ELF1: variants seen among roughly 807,000 people sequenced by gnomAD.
The protein encoded by ELF1 is ETS-related transcription factor Elf-1.
Under a neutral mutation model 59.9 loss-of-function variants are expected in ELF1, and 24 were observed. That is an observed-to-expected ratio of 0.40 (90% CI 0.29 to 0.56). The LOEUF (loss-of-function observed/expected upper bound fraction) is 0.56. Among genes scored for constraint, ELF1 ranks in the 20% least tolerant of loss-of-function variants. ELF1 has a pLI of 0.44. For missense variants in ELF1, 627 were observed against 742.2 expected, an observed-to-expected ratio of 0.84 and a Z score of 1.80; for synonymous variants, 248 against 266.2, an observed-to-expected ratio of 0.93 and a Z score of 0.67.
At chr13:40,985,856 T>C (rs1282530257) in intron 1 of ELF1, among the ~76,000 whole-genome samples, 1 of 152,224 alleles carries the variant, frequency 6.6e-6, no homozygotes, top group African/African-American at 2.4e-5. Context: ...GGAAGCACTC[T>C]GCTGTATTAA....
chr13:40,941,388 T>C lies in ELF1; in HGVS notation c.807-18A>G. 6.5e-7 allele frequency: 1 copy of C among 1,535,348 alleles called. No individual in the cohort carries two copies. Among genetic ancestry groups the C allele is most frequent in the Non-Finnish European group, 8.8e-7 (1 of 1,142,426 alleles). Reference sequence around the variant, plus strand: ...AATAGTACCTATTCAAAGCAGACAATTTCATCAATCAATCAAACATCAATT... The same window carrying C: ...AATAGTACCTATTCAAAGCAGACAACTTCATCAATCAATCAAACATCAATT... On this transcript the variant is annotated intron_variant, in intron 7 of 8. Coordinates refer to ENST00000239882, the MANE Select transcript of ELF1 (RefSeq NM_172373.4).
intron 1 of ELF1, among the ~76,000 whole-genome samples, chr13:41,027,391 C>G: frequency 6.6e-6 from 1 of 152,200 alleles, no homozygotes; most frequent in African/African-American, 2.4e-5. Flanking sequence ...CCTGTCATTG[C>G]CCAGGGGGCT....
At chr13:40,942,539 G>T (rs1593350586) in intron 7 of ELF1, among the ~76,000 whole-genome samples, 2 of 150,530 alleles carry the variant, frequency 1.3e-5, no homozygotes, top group South Asian at 2.1e-4. Context: ...CTTTTTTTTT[G>T]AGACAGGGTC....
At chr13:41,035,202 C>T (rs1876325907) in intron 1 of ELF1, among the ~76,000 whole-genome samples, 1 of 152,192 alleles carries the variant, frequency 6.6e-6, no homozygotes, top group Non-Finnish European at 1.5e-5. Context: ...GAATAGATTT[C>T]CTTCAGAACT....
At chr13:41,048,533 A>G (rs1876955123) in intron 1 of ELF1, among the ~76,000 whole-genome samples, 1 of 151,950 alleles carries the variant, frequency 6.6e-6, no homozygotes, top group South Asian at 2.1e-4. Flanking sequence ...ATCTCACCTC[A>G]GCCTCCCGAG....
At chr13:41,033,886 G>A (rs1462789934) in intron 1 of ELF1, among the ~76,000 whole-genome samples, 1 of 152,170 alleles carries the variant, frequency 6.6e-6, no homozygotes, top group Admixed American at 6.5e-5. Context: ...ATCAGTGGTT[G>A]CCAGGGATAC....
At chr13:40,938,752 T>C (rs1869947712) in intron 8 of ELF1, among the ~76,000 whole-genome samples, 1 of 151,920 alleles carries the variant, frequency 6.6e-6, no homozygotes, top group Non-Finnish European at 1.5e-5. Flanking sequence ...ATACATTCCA[T>C]CTTCTCTCAA....
chr13:41,027,745 C>T (rs564686069), intron 1 of ELF1, among the ~76,000 whole-genome samples: 41 of 152,278 alleles, frequency 2.7e-4, no homozygotes, highest in Middle Eastern at 6.8e-3. Context: ...TTGCTTCTGA[C>T]CATGGAACTT....
At chr13:41,013,436 A>G (rs1234291375) in intron 1 of ELF1, among the ~76,000 whole-genome samples, 2 of 152,228 alleles carry the variant, frequency 1.3e-5, no homozygotes, top group Admixed American at 1.3e-4. Flanking sequence ...TAAGTCACAA[A>G]GCTGAATGAA....
At chr13:40,962,554 C>A (rs768779286) in intron 2 of ELF1, among the ~76,000 whole-genome samples, 9 of 151,702 alleles carry the variant, frequency 5.9e-5, no homozygotes, top group Non-Finnish European at 8.8e-5. Flanking sequence ...GTCATGGTGA[C>A]GGGCACCTGC....
At chr13:40,988,668 C>T (rs1369613610) in intron 1 of ELF1, among the ~76,000 whole-genome samples, 2 of 152,178 alleles carry the variant, frequency 1.3e-5, no homozygotes, top group South Asian at 2.1e-4. Flanking sequence ...TATATCATAT[C>T]ATCTTGCCTT....
intron 3 of ELF1, among the ~76,000 whole-genome samples, chr13:40,953,223 G>A (rs1017797287): frequency 5.9e-5 from 9 of 152,034 alleles, no homozygotes; most frequent in East Asian, 1.9e-4. Context: ...TGATCTGCCC[G>A]CCTCGGCCTC....
At position 40,939,246 on chromosome 13, in the gene ELF1, T is replaced by G. The variant is rs115229487; in HGVS notation, c.1256+1675A>C. On this transcript the variant is annotated intron_variant, in intron 8 of 8. Coordinates refer to ENST00000239882, the MANE Select transcript of ELF1 (RefSeq NM_172373.4). ...GAGAGGACTGCTTGAGTCCTGGAAG[T>G]AGGATGCAGTGAGCTATGATGGTGT... 9.5e-3 allele frequency among the ~76,000 whole-genome samples: 1,447 copies of G among 152,204 alleles called. 30 individuals are homozygous for G. The highest frequency in any genetic ancestry group is 0.032 in the African/African-American group (1,316 of 41,530).
intron 1 of ELF1, among the ~76,000 whole-genome samples, chr13:41,057,046 T>C (rs116412514): frequency 0.013 from 2,043 of 152,310 alleles, 44 homozygotes; most frequent in African/African-American, 0.046. Context: ...GAGACCATGA[T>C]AAGGTCTTCG....
At chr13:40,992,466 T>C (rs151017205) in intron 1 of ELF1, among the ~76,000 whole-genome samples, 120 of 152,350 alleles carry the variant, frequency 7.9e-4, no homozygotes, top group Non-Finnish European at 1.4e-3. Flanking sequence ...TGTTATGCAG[T>C]GATAGCAGTT....
chr13:41,059,197 G>T (rs1043175628), intron 1 of ELF1, among the ~76,000 whole-genome samples: 3 of 152,186 alleles, frequency 2.0e-5, no homozygotes, highest in African/African-American at 7.2e-5. Context: ...TAAAATTTGT[G>T]AGTGATACGT....
intron 1 of ELF1, among the ~76,000 whole-genome samples, chr13:41,035,844 A>AAACAACAAC (rs1165440085): frequency 1.3e-5 from 2 of 148,648 alleles, no homozygotes; most frequent in African/African-American, 2.5e-5. Context: ...GTTAAAAAAA[A>AAACAACAAC]AACAACAACA....
Position 40,933,652 on chromosome 13 carries a change from C to A in ELF1, c.1633G>T (p.Val545Phe). ...VTFSPRSSQL[V>F]AHPPGTVITS... ...ATTACAGTGCCAGGTGGGTGAGCAACCAGCTGTGAACTGCGAGGAGAAAAG... is the reference window on the plus strand; with the variant it reads ...ATTACAGTGCCAGGTGGGTGAGCAAACAGCTGTGAACTGCGAGGAGAAAAG... Residue 545 changes from valine to phenylalanine, a missense_variant, in exon 9 of 9, where the codon GTT (valine) becomes TTT (phenylalanine). By Grantham distance (50) the Val-to-Phe change is conservative. Coordinates refer to ENST00000239882, the MANE Select transcript of ELF1 (RefSeq NM_172373.4). 6.2e-7 allele frequency: 1 copy of A among 1,614,200 alleles called. No homozygotes were observed. Among genetic ancestry groups the A allele is most frequent in the Non-Finnish European group, 8.5e-7 (1 of 1,180,038 alleles).
intron 1 of ELF1, among the ~76,000 whole-genome samples, chr13:41,042,831 G>C (rs1483908025): frequency 6.6e-6 from 1 of 152,100 alleles, no homozygotes; most frequent in Non-Finnish European, 1.5e-5. Context: ...CCCTGTAATG[G>C]GATGGCTGGG....
Sources: gnomAD v4.1 joint callset for allele counts (sites outside exome capture counted in the v4.1 genomes callset) on GRCh38, gnomAD v4.1.1 for gene constraint, MANE v1.5 for transcripts, NCBI Gene and HGNC (gene_info 2026-07-23, HGNC 2026-07-21) for gene names.